CALD1: variants seen among roughly 807,000 people sequenced by gnomAD.
CALD1 encodes caldesmon.
CALD1 carries 33 observed loss-of-function variants against 99.9 expected under a neutral mutation model. That is an observed-to-expected ratio of 0.33 (90% confidence interval 0.25 to 0.44). CALD1 has a LOEUF of 0.44. Ranked by LOEUF, CALD1 falls within the 20% of genes least tolerant of loss-of-function variation. The pLI, the probability that CALD1 is intolerant of heterozygous loss-of-function variation, is 1.00. For synonymous variants in CALD1, 310 were observed against 325.0 expected (o/e 0.95, Z 0.50); for missense variants, 861 against 962.1 (o/e 0.89, Z 1.39).
At chr7:134,824,306 G>A (rs1246487166) in intron 1 of CALD1, among the ~76,000 whole-genome samples, 4 of 152,140 alleles carry the variant, frequency 2.6e-5, no homozygotes, top group Non-Finnish European at 4.4e-5. Context: ...GAAACAACTG[G>A]TTTTCAATCA....
At chr7:134,719,986 A>T in the CALD1 span, among the ~76,000 whole-genome samples, 1 of 129,446 alleles carries the variant, frequency 7.7e-6, no homozygotes, top group African/African-American at 3.6e-5. Context: ...CAGATCCTTC[A>T]AAAGAATAAA....
At chr7:134,935,639 A>G (rs1394330874) in intron 5 of CALD1, 49 bp from the exon 6 acceptor site, 1 of 1,567,720 alleles carries the variant, frequency 6.4e-7, no homozygotes, top group Non-Finnish European at 8.6e-7. Flanking sequence ...TGTAAACTAG[A>G]AAGGGCTTCT....
At chr7:134,880,885 A>C (rs1343358916) in intron 3 of CALD1, among the ~76,000 whole-genome samples, 1 of 152,142 alleles carries the variant, frequency 6.6e-6, no homozygotes, top group Non-Finnish European at 1.5e-5. Context: ...ATTGCTACAG[A>C]TGCTCAGCGG....
chr7:134,844,661 G>C (rs918674812), intron 2 of CALD1, among the ~76,000 whole-genome samples: 1 of 152,166 alleles, frequency 6.6e-6, no homozygotes, highest in Non-Finnish European at 1.5e-5. Context: ...CCACAGACTG[G>C]GTGGCTTAAA....
the CALD1 span, among the ~76,000 whole-genome samples, chr7:134,735,601 G>A: frequency 6.9e-6 from 1 of 145,606 alleles, no homozygotes; most frequent in Admixed American, 6.8e-5. Flanking sequence ...GTGTGTGTGT[G>A]TGTGTGTGTA....
chr7:134,722,627 G>A, the CALD1 span, among the ~76,000 whole-genome samples: 3 of 151,926 alleles, frequency 2.0e-5, no homozygotes, highest in Non-Finnish European at 4.4e-5. Flanking sequence ...TCACCATATT[G>A]GTCAGGCTGG....
In CALD1 at chr7:134,947,382, C is replaced by T. The variant is rs189660137; in HGVS notation, c.1533-126C>T. ...GGCAGACCCCTTCCCCAGCCTACCC[C>T]CTGGGCTAATGAGAGGCAGTGGGTA... On this transcript the variant is annotated intron_variant, in intron 7 of 14. Coordinates refer to ENST00000361675, the MANE Select transcript of CALD1 (RefSeq NM_033138.4). 2.4e-5 allele frequency: 23 copies of T among 950,992 alleles called. No individual in the cohort carries two copies. In the African/African-American group the frequency reaches 3.3e-4, roughly 14 times the overall value. 58.9% of individuals were successfully genotyped at this position (950,992 alleles called of 1,614,324 possible).
At chr7:134,928,343 C>T (rs1038893189) in intron 3 of CALD1, among the ~76,000 whole-genome samples, 2 of 143,518 alleles carry the variant, frequency 1.4e-5, no homozygotes, top group Non-Finnish European at 3.0e-5. Flanking sequence ...GTAGGAGAAT[C>T]ACTTGATCCC....
At chr7:134,965,901 A>G (rs946541225) in intron 14 of CALD1, among the ~76,000 whole-genome samples, 6 of 152,128 alleles carry the variant, frequency 3.9e-5, no homozygotes, top group African/African-American at 1.4e-4. Context: ...ATGAATGATT[A>G]AGAATGATTG....
intron 1 of CALD1, among the ~76,000 whole-genome samples, chr7:134,762,659 A>T (rs1796789405): frequency 6.6e-6 from 1 of 152,130 alleles, no homozygotes; most frequent in Admixed American, 6.5e-5. Context: ...ACATGGCTGG[A>T]GGAGGAGGGA....
rs545021376 is a variant in CALD1 at position 134,858,090 on chromosome 7, A to T, written c.-41-9603A>T. On this transcript the variant is annotated intron_variant, in intron 2 of 14. Transcript: ENST00000361675. ...GAGTTGCTGACTTTTTTTTTTTTTT[A>T]GCTGAGTAGTTCAGCAAGTCCAGAA... is the stretch of plus-strand genomic sequence containing the variant. Among the ~76,000 whole-genome samples the T allele has an allele frequency of 2.6e-4, 26 of 101,490 alleles. No homozygotes were observed. The East Asian group carries it at 3.3e-3, about 13-fold the overall frequency. The allele number at this position is 101,490 out of a possible 152,430, so 66.6% of individuals were successfully genotyped here.
At chr7:134,814,893 T>G (rs1359574061) in intron 1 of CALD1, among the ~76,000 whole-genome samples, 14 of 152,168 alleles carry the variant, frequency 9.2e-5, no homozygotes, top group Admixed American at 9.2e-4. Flanking sequence ...CAGTTTGAAT[T>G]TGAATTTCTT....
At chr7:134,855,945 G>C (rs1356230508) in intron 2 of CALD1, among the ~76,000 whole-genome samples, 1 of 152,150 alleles carries the variant, frequency 6.6e-6, no homozygotes, top group Non-Finnish European at 1.5e-5. Context: ...CATTTTCTTT[G>C]TAGATATTGT....
chr7:134,912,129 G>A (rs900110277), intron 3 of CALD1, among the ~76,000 whole-genome samples: 16 of 152,268 alleles, frequency 1.1e-4, no homozygotes, highest in African/African-American at 3.8e-4. Context: ...ACTGATGTTC[G>A]TTATGCTTTC....
At chr7:134,824,003 T>C (rs1798886885) in intron 1 of CALD1, among the ~76,000 whole-genome samples, 1 of 152,206 alleles carries the variant, frequency 6.6e-6, no homozygotes, top group Non-Finnish European at 1.5e-5. Flanking sequence ...ATTTGGTCCA[T>C]TAAGAATAAC....
chr7:134,718,740 C>A, the CALD1 span, among the ~76,000 whole-genome samples: 1 of 152,040 alleles, frequency 6.6e-6, no homozygotes, highest in Non-Finnish European at 1.5e-5. Flanking sequence ...TAATAAAATT[C>A]TTTGTCTCTG....
Position 134,891,724 on chromosome 7 carries a change from T to TA in CALD1, c.71+23926dup, listed in dbSNP as rs1554452949. On this transcript the variant is annotated intron_variant, in intron 3 of 14. Transcript: ENST00000361675. Reference sequence around the variant, plus strand: ...TTTTTTCCTTTCTTTTTTTTTTTTATAAAAAACAAACGAATTGTTGTAAAA... The same window carrying TA: ...TTTTTTCCTTTCTTTTTTTTTTTTATAAAAAAACAAACGAATTGTTGTAAAA... The TA allele has an allele frequency of 7.4e-6, 7 of 950,910 alleles. No individual in the cohort carries two copies. In the East Asian group the frequency reaches 1.1e-4, roughly 15 times the overall value. The allele number at this position is 950,910 out of a possible 1,614,324, so 58.9% of individuals were successfully genotyped here.
chr7:134,740,086 A>G (rs934845866), upstream of CALD1, among the ~76,000 whole-genome samples: 18 of 152,134 alleles, frequency 1.2e-4, no homozygotes, highest in African/African-American at 3.9e-4. Flanking sequence ...GAATAAAATG[A>G]TGAAATAGGG....
chr7:134,757,362 A>C (rs995183792), intron 1 of CALD1, among the ~76,000 whole-genome samples: 1 of 152,144 alleles, frequency 6.6e-6, no homozygotes, highest in Admixed American at 6.5e-5. Context: ...TTCTCTATCC[A>C]AAAAGATCCT....
Sources: allele counts gnomAD v4.1 joint callset (sites outside exome capture counted in the v4.1 genomes callset), GRCh38; gene constraint gnomAD v4.1.1; transcripts MANE v1.5; gene names NCBI Gene and HGNC (gene_info 2026-07-23, HGNC 2026-07-21).